The following LAMA2 variants were observed in gnomAD, a reference collection of about 807,000 sequenced individuals.
The protein encoded by LAMA2 is laminin subunit alpha-2.
A neutral mutation model predicts 364.8 loss-of-function variants in LAMA2; 269 were observed. The ratio of observed to expected loss-of-function variants is 0.74; its 90% confidence interval spans 0.67 to 0.82. The LOEUF (loss-of-function observed/expected upper bound fraction) is 0.82. Ranked by LOEUF, LAMA2 falls within the 40% of genes least tolerant of loss-of-function variation. The probability of loss-of-function intolerance (pLI) is 0.00; values close to 1 mark genes in which losing one functional copy is unlikely to be tolerated. For missense variants in LAMA2, 3,807 were observed against 3,873.2 expected (o/e 0.98, Z 0.45); for synonymous variants, 1,379 against 1,370.6 (o/e 1.01, Z -0.14).
At chr6:129,281,673 A>G (rs1788726908) in intron 18 of LAMA2, among the ~76,000 whole-genome samples, 1 of 152,154 alleles carries the variant, frequency 6.6e-6, no homozygotes, top group Non-Finnish European at 1.5e-5. Flanking sequence ...TTCCATTTGA[A>G]TAGTAAAAAT....
rs1779409744 is a variant in LAMA2, at chr6:129,393,092, C to T, written c.5282C>T (p.Ser1761Phe). Residue 1761 changes from serine (S) to phenylalanine (F), a missense_variant, in exon 37 of 65, where the codon TCC becomes TTC. Ser to Phe is a radical substitution (Grantham distance 155). This residue lies in a region of LAMA2 where 3,333 missense variants were observed against 3,345.7 expected (regional missense o/e 1.00). Transcript: ENST00000421865. ...AAAGTGAAGAAGCTGTTTGGAGAGT[C>T]CCGGGGGGAAAATGAAGAAATGGAG... ...LKKVKKLFGE[S>F]RGENEEMEKD... 6 of 1,613,852 alleles carry T rather than the reference C, an allele frequency of 3.7e-6. No individual in the cohort carries two copies. Among genetic ancestry groups the T allele is most frequent in the Non-Finnish European group, 5.1e-6 (6 of 1,179,944 alleles).
At chr6:129,366,084 A>T in intron 32 of LAMA2, 135 bp from the exon 33 acceptor site, 1 of 909,532 alleles carries the variant, frequency 1.1e-6, no homozygotes, top group Non-Finnish European at 1.8e-6. Context: ...TGATAGCATT[A>T]ATATTCTGAG....
intron 1 of LAMA2, among the ~76,000 whole-genome samples, chr6:129,026,620 T>C (rs11154458): frequency 0.6 from 91,606 of 152,044 alleles, 30,291 homozygotes; most frequent in East Asian, 0.96. Context: ...AAGAAGTATA[T>C]TTCATGTGAG....
chr6:128,963,581 G>A (rs1335114313), intron 1 of LAMA2, among the ~76,000 whole-genome samples: 1 of 152,076 alleles, frequency 6.6e-6, no homozygotes. Flanking sequence ...AGGAAGAGTT[G>A]CATCAAAAGA....
chr6:129,146,895 C>T lies in LAMA2; in HGVS notation c.820-64C>T, dbSNP rs1331053772. The stretch of plus-strand genomic sequence containing the variant: ...GAAAATAAAGTTTTTACTGAATGTC[C>T]CCTTTTGTTACTTTGACCTTGCAGT... On this transcript the variant is annotated intron_variant, in intron 5 of 64. Coordinates refer to ENST00000421865, the MANE Select transcript of LAMA2 (RefSeq NM_000426.4). 9 of 957,978 alleles carry T rather than the reference C, an allele frequency of 9.4e-6. No individual in the cohort carries two copies. The East Asian group carries it at 1.9e-4, about 20-fold the overall frequency. The allele number at this position is 957,978 out of a possible 1,614,324, so 59.3% of individuals were successfully genotyped here.
intron 7 of LAMA2, among the ~76,000 whole-genome samples, chr6:129,152,227 A>G (rs751058229): frequency 1.3e-5 from 2 of 152,204 alleles, no homozygotes; most frequent in Non-Finnish European, 2.9e-5. Flanking sequence ...ATGACATATT[A>G]TTTTTCACCT....
chr6:129,269,868 T>C (rs755260395), intron 16 of LAMA2, among the ~76,000 whole-genome samples: 1 of 152,186 alleles, frequency 6.6e-6, no homozygotes, highest in Non-Finnish European at 1.5e-5. Flanking sequence ...CTGACCTTAA[T>C]GCTATCTTTT....
chr6:129,279,542 G>A (rs1362469360), intron 17 of LAMA2, among the ~76,000 whole-genome samples: 1 of 152,172 alleles, frequency 6.6e-6, no homozygotes, highest in Admixed American at 6.6e-5. Flanking sequence ...GATTCCATCA[G>A]TGTGAGGGCA....
chr6:129,266,481 C>CT (rs1455294180), intron 15 of LAMA2, among the ~76,000 whole-genome samples: 1 of 152,036 alleles, frequency 6.6e-6, no homozygotes, highest in Non-Finnish European at 1.5e-5. Context: ...AAATCATAAA[C>CT]TTTTTGTGTA....
intron 22 of LAMA2, among the ~76,000 whole-genome samples, chr6:129,308,702 G>T (rs1298598144): frequency 6.6e-6 from 1 of 152,078 alleles, no homozygotes; most frequent in African/African-American, 2.4e-5. Context: ...AGAAATACCT[G>T]AGACTGATTA....
chr6:129,047,264 A>T (rs1787583029), intron 1 of LAMA2, among the ~76,000 whole-genome samples: 1 of 152,236 alleles, frequency 6.6e-6, no homozygotes, highest in Non-Finnish European at 1.5e-5. Context: ...TAATGAAATA[A>T]ATAATACTTT....
chr6:129,261,186 TA>T (rs1562390013), intron 15 of LAMA2, among the ~76,000 whole-genome samples: 1 of 152,028 alleles, frequency 6.6e-6, no homozygotes, highest in East Asian at 1.9e-4. Flanking sequence ...ATTTTTTTTT[TA>T]CTTTTCTCTC....
chr6:129,398,472 C>CTTTTTTTTTTT (rs71028159), intron 37 of LAMA2, among the ~76,000 whole-genome samples: 99 of 110,482 alleles, frequency 9.0e-4, no homozygotes, highest in East Asian at 1.3e-3. Flanking sequence ...CTTTTCTTTT[C>CTTTTTTTTTTT]TTTTTTTTTT....
intron 16 of LAMA2, among the ~76,000 whole-genome samples, chr6:129,270,288 C>T (rs1787828800): frequency 1.3e-5 from 2 of 151,090 alleles, no homozygotes; most frequent in African/African-American, 4.9e-5. Context: ...CACACACACA[C>T]ACACACACAC....
At chr6:128,960,466 C>T (rs754706305) in intron 1 of LAMA2, among the ~76,000 whole-genome samples, 2 of 147,556 alleles carry the variant, frequency 1.4e-5, no homozygotes, top group African/African-American at 5.2e-5. Flanking sequence ...GGCCCCACCC[C>T]GCCCCCGCCG....
intron 2 of LAMA2, among the ~76,000 whole-genome samples, chr6:129,055,486 G>T (rs563778138): frequency 6.6e-6 from 1 of 152,000 alleles, no homozygotes; most frequent in African/African-American, 2.4e-5. Context: ...GAGCCACCGC[G>T]CCTGGCCTGC....
chr6:129,250,330 T>C (rs1786086273), intron 13 of LAMA2, 117 bp downstream of exon 13: 3 of 710,478 alleles, frequency 4.2e-6, no homozygotes, highest in Non-Finnish European at 7.7e-6. Context: ...TAAAAAAAAA[T>C]ATACCTTAGG....
At chr6:129,228,569 A>G (rs948289618) in intron 12 of LAMA2, among the ~76,000 whole-genome samples, 1 of 152,200 alleles carries the variant, frequency 6.6e-6, no homozygotes, top group Non-Finnish European at 1.5e-5. Context: ...CTCATACTTC[A>G]AATTACTTAT....
rs1394187915 is a variant in LAMA2, at chr6:129,339,528, A to G, written c.4312-2815A>G. Reference sequence around the variant, plus strand: ...TAAAATACAGAGTTTTGGGCACACCATTAACTGAAGTCATAGTAATGGATG... The same window carrying G: ...TAAAATACAGAGTTTTGGGCACACCGTTAACTGAAGTCATAGTAATGGATG... On this transcript the variant is annotated intron_variant, in intron 29 of 64. Transcript: ENST00000421865. 3.9e-5 allele frequency among the ~76,000 whole-genome samples: 6 copies of G among 152,228 alleles called. No homozygotes were observed. In the East Asian group the frequency reaches 9.6e-4, roughly 24 times the overall value.
Sources: gnomAD v4.1 joint callset for allele counts (sites outside exome capture counted in the v4.1 genomes callset) on GRCh38, gnomAD v4.1.1 for gene constraint, gnomAD v4.1.1 regional missense constraint, MANE v1.5 for transcripts, NCBI Gene and HGNC (gene_info 2026-07-23, HGNC 2026-07-21) for gene names.